Variants in BMP7 observed in about 807,000 individuals in gnomAD.
BMP7 encodes the protein bone morphogenetic protein 7, also known as osteogenic protein 1.
In BMP7, 12 loss-of-function variants were observed where a neutral mutation model predicts 41.2. That is an observed-to-expected ratio of 0.29 (90% CI 0.19 to 0.47). The LOEUF (loss-of-function observed/expected upper bound fraction) is 0.47, where lower values mean the gene tolerates loss of function less well. Among genes scored for constraint, BMP7 ranks in the 20% least tolerant of loss-of-function variants. The pLI is 0.99. For synonymous variants in BMP7, 248 were observed against 250.0 expected (o/e 0.99, Z 0.07); for missense variants, 467 against 606.0 (o/e 0.77, Z 2.41).
chr20:57,187,803 G>A (rs55784296), intron 3 of BMP7, among the ~76,000 whole-genome samples: 48,889 of 152,008 alleles, frequency 0.32, 8,140 homozygotes, highest in South Asian at 0.43. Flanking sequence ...AGTCTGAACT[G>A]GTATTTTGGG....
chr20:57,254,712 C>T (rs552597676), intron 1 of BMP7, among the ~76,000 whole-genome samples: 5 of 152,080 alleles, frequency 3.3e-5, no homozygotes, highest in African/African-American at 1.2e-4. Context: ...TATTCCATAT[C>T]CCCTCCCAGA....
chr20:57,195,872 A>G (rs564242544), intron 3 of BMP7, among the ~76,000 whole-genome samples: 33 of 152,206 alleles, frequency 2.2e-4, no homozygotes, highest in Admixed American at 1.2e-3. Flanking sequence ...CCTGACCCCC[A>G]GCAGACTTAC....
At chr20:57,222,077 G>A (rs942253347) in intron 2 of BMP7, among the ~76,000 whole-genome samples, 1 of 152,124 alleles carries the variant, frequency 6.6e-6, no homozygotes, top group Non-Finnish European at 1.5e-5. Flanking sequence ...AAGAGGGGCA[G>A]GACTGACCAC....
intron 3 of BMP7, among the ~76,000 whole-genome samples, chr20:57,192,596 C>T (rs892619640): frequency 1.3e-5 from 2 of 151,586 alleles, no homozygotes; most frequent in African/African-American, 4.8e-5. Context: ...GGCATAGGGG[C>T]GAGGTGAGTG....
intron 2 of BMP7, among the ~76,000 whole-genome samples, chr20:57,220,828 C>T (rs944529326): frequency 2.0e-5 from 3 of 152,184 alleles, no homozygotes; most frequent in African/African-American, 7.2e-5. Context: ...GCAAGCAAGG[C>T]ATTCTCGAGT....
intron 1 of BMP7, among the ~76,000 whole-genome samples, chr20:57,230,199 C>T (rs2066023810): frequency 1.3e-5 from 2 of 152,154 alleles, no homozygotes; most frequent in East Asian, 1.9e-4. Context: ...CTCACGCCCA[C>T]AAGGAACCCT....
At chr20:57,195,212 A>T (rs992319973) in intron 3 of BMP7, among the ~76,000 whole-genome samples, 10 of 152,298 alleles carry the variant, frequency 6.6e-5, no homozygotes, top group Admixed American at 6.5e-4. Context: ...AAAGGAGGGG[A>T]TGCAGCCCAC....
chr20:57,243,093 GGTGC>G (rs1169924768), intron 1 of BMP7, among the ~76,000 whole-genome samples: 1 of 152,220 alleles, frequency 6.6e-6, no homozygotes, highest in African/African-American at 2.4e-5. Flanking sequence ...TCATTGAAGA[GGTGC>G]TGTCGCCCAC....
In BMP7 at chr20:57,225,709, T is replaced by C. The variant is rs2066003282; in HGVS notation, c.611+2520A>G. 9 of 260,156 alleles carry C rather than the reference T, an allele frequency of 3.5e-5. No individual in the cohort carries two copies. In the Admixed American group the frequency reaches 3.8e-4, roughly 11 times the overall value. The allele number at this position is 260,156 out of a possible 1,614,324, so 16.1% of individuals were successfully genotyped here. A position where few individuals can be genotyped will look rare whatever the true frequency, so the allele number is the denominator to read the frequency against. ...CCAGAAAAATGAATAAATAATATAT[T>C]TTTTAAATTTAACCATTTAACTTCT... is the stretch of plus-strand genomic sequence containing the variant. On this transcript the variant is annotated intron_variant, in intron 2 of 6. Transcript: ENST00000395863.
chr20:57,206,472 C>A (rs932964161), intron 2 of BMP7, among the ~76,000 whole-genome samples: 3 of 152,142 alleles, frequency 2.0e-5, no homozygotes, highest in Admixed American at 1.3e-4. Context: ...GACTCAAGAG[C>A]CTGAGCGCTT....
At chr20:57,182,930 T>C (rs1400017357) in intron 4 of BMP7, among the ~76,000 whole-genome samples, 1 of 152,242 alleles carries the variant, frequency 6.6e-6, no homozygotes, top group Non-Finnish European at 1.5e-5. Context: ...GCACATCATA[T>C]ATTCTTAAAA....
rs1156602096 is a variant in BMP7, at chr20:57,232,002, C to A, written c.419-3581G>T. ...TGGAACCCCATGAGACAGGACTGATCCCCATTTTACAGATGAGGACACTGA... is the reference window on the plus strand; with the variant it reads ...TGGAACCCCATGAGACAGGACTGATACCCATTTTACAGATGAGGACACTGA... On this transcript the variant is annotated intron_variant, in intron 1 of 6. Transcript: ENST00000395863. Among the ~76,000 whole-genome samples, 3 of 152,196 alleles carry A rather than the reference C, an allele frequency of 2.0e-5. No homozygotes were observed. The East Asian group carries it at 5.8e-4, about 29-fold the overall frequency.
At chr20:57,186,229 C>A (rs1318379) in intron 3 of BMP7, among the ~76,000 whole-genome samples, 118,266 of 152,112 alleles carry the variant, frequency 0.78, 51,154 homozygotes, top group East Asian at 0.95. Context: ...CAGGGGAATG[C>A]AACGGAGACT....
intron 1 of BMP7, among the ~76,000 whole-genome samples, chr20:57,265,391 T>G (rs996990649): frequency 7.2e-5 from 11 of 152,262 alleles, no homozygotes; most frequent in African/African-American, 2.7e-4. Flanking sequence ...ACAGCTCACA[T>G]GACCGAGCCC....
chr20:57,219,839 C>T (rs230209), intron 2 of BMP7, among the ~76,000 whole-genome samples: 99,680 of 152,004 alleles, frequency 0.66, 33,782 homozygotes, highest in African/African-American at 0.83. Flanking sequence ...CCTGGAAACA[C>T]TTTCTAATCC....
intron 2 of BMP7, among the ~76,000 whole-genome samples, chr20:57,222,805 T>G (rs230219): frequency 6.6e-6 from 1 of 150,888 alleles, no homozygotes; most frequent in Non-Finnish European, 1.5e-5. Context: ...GAAACAGGCA[T>G]GTAGCCTTCA....
intron 2 of BMP7, among the ~76,000 whole-genome samples, chr20:57,211,273 TGA>T (rs1174017034): frequency 6.6e-6 from 1 of 152,090 alleles, no homozygotes; most frequent in Non-Finnish European, 1.5e-5. Context: ...GTACAAAAAC[TGA>T]GGGGCAGGGA....
chr20:57,170,650 C>G lies in BMP7; in HGVS notation c.*309G>C, dbSNP rs890299718. On this transcript the variant is annotated 3_prime_UTR_variant, in exon 7 of 7. Coordinates refer to ENST00000395863, the MANE Select transcript of BMP7 (RefSeq NM_001719.3). The stretch of plus-strand genomic sequence containing the variant: ...AGGCGCTCATAATTACCTCTGGAAA[C>G]GAGTCCGTGCATGGCTGAGACTTCC... 2.7e-6 allele frequency: 1 copy of G among 375,652 alleles called. No individual in the cohort carries two copies. 23.3% of individuals were successfully genotyped at this position (375,652 alleles called of 1,614,324 possible).
At chr20:57,221,492 A>G (rs985284587) in intron 2 of BMP7, among the ~76,000 whole-genome samples, 1 of 152,184 alleles carries the variant, frequency 6.6e-6, no homozygotes, top group Non-Finnish European at 1.5e-5. Flanking sequence ...CCAACCCAGT[A>G]TTGTGCCTTC....
Sources: gnomAD v4.1 joint callset for allele counts (sites outside exome capture counted in the v4.1 genomes callset) on GRCh38, gnomAD v4.1.1 for gene constraint, MANE v1.5 for transcripts, NCBI Gene and HGNC (gene_info 2026-07-23, HGNC 2026-07-21) for gene names.